The following SLIT1 variants were observed in gnomAD, a reference collection of about 807,000 sequenced individuals.
SLIT1 encodes the protein slit guidance ligand 1, also known as slit homolog 1 protein.
In SLIT1, 66 loss-of-function variants were observed where a neutral mutation model predicts 186.1. That is an observed-to-expected ratio of 0.35 (90% CI 0.29 to 0.44). The LOEUF (loss-of-function observed/expected upper bound fraction) is 0.44. SLIT1 is among the 20% of genes least tolerant of loss of function. SLIT1 has a pLI of 1.00. For synonymous variants in SLIT1, 761 were observed against 833.8 expected (o/e 0.91, Z 1.50); for missense variants, 1,638 against 2,037.4 (o/e 0.80, Z 3.77).
intron 4 of SLIT1, among the ~76,000 whole-genome samples, chr10:97,156,205 T>C (rs970911376): frequency 2.0e-4 from 30 of 152,232 alleles, no homozygotes; most frequent in Non-Finnish European, 8.8e-5. Flanking sequence ...TGGAGTGGTC[T>C]CCAGGCCAGG....
rs757166610 is a variant in SLIT1 at position 97,185,458 on chromosome 10, G to C, written c.197+20C>G. On this transcript the variant is annotated intron_variant, in intron 1 of 36. Transcript: ENST00000266058. ...GGGCAACCTCGGAGCCAGGGAGCCA[G>C]GGGCGGGGACCATACTCACAGGCGC... is the stretch of plus-strand genomic sequence containing the variant. 6.2e-7 allele frequency: 1 copy of C among 1,607,070 alleles called. No individual in the cohort carries two copies. Among genetic ancestry groups the C allele is most frequent in the Non-Finnish European group, 8.5e-7 (1 of 1,177,318 alleles).
intron 1 of SLIT1, among the ~76,000 whole-genome samples, chr10:97,176,584 C>T (rs11594085): frequency 0.11 from 17,327 of 152,198 alleles, 1,137 homozygotes; most frequent in African/African-American, 0.17. Context: ...TCCTGCCTTC[C>T]GCTTCTCCCA....
At chr10:97,062,439 T>A (rs1481262789) in intron 8 of SLIT1, among the ~76,000 whole-genome samples, 1 of 152,168 alleles carries the variant, frequency 6.6e-6, no homozygotes, top group East Asian at 1.9e-4. Flanking sequence ...AGCCTCTAAA[T>A]CCTCTGTCAC....
At chr10:97,024,948 C>T (rs913742165) in intron 25 of SLIT1, among the ~76,000 whole-genome samples, 1 of 152,156 alleles carries the variant, frequency 6.6e-6, no homozygotes, top group Non-Finnish European at 1.5e-5. Flanking sequence ...GATGTAAGTG[C>T]TCCTTCCCCT....
chr10:97,127,574 C>T (rs1311819194), intron 4 of SLIT1, among the ~76,000 whole-genome samples: 1 of 152,232 alleles, frequency 6.6e-6, no homozygotes, highest in Non-Finnish European at 1.5e-5. Context: ...TCAGGAACCA[C>T]GTCCTCTGGG....
At position 97,006,417 on chromosome 10, in the gene SLIT1, C is replaced by T; in HGVS notation, c.3579+66G>A. 8.9e-7 allele frequency: 1 copy of T among 1,120,678 alleles called. No individual in the cohort carries two copies. The highest frequency in any genetic ancestry group is 1.3e-6 in the Non-Finnish European group (1 of 743,352). 69.4% of individuals were successfully genotyped at this position (1,120,678 alleles called of 1,614,324 possible). ...CACCATGCAGGGATGTATCCTGATG[C>T]TCTGGCCTAAGCCAGGGTCGCCTGC... On this transcript the variant is annotated intron_variant, in intron 32 of 36. Coordinates refer to ENST00000266058, the MANE Select transcript of SLIT1 (RefSeq NM_003061.3). The surrounding 1 kb of genome is among the most constrained non-coding windows in gnomAD (Gnocchi z 4.0).
intron 4 of SLIT1, among the ~76,000 whole-genome samples, chr10:97,111,519 T>C (rs2636781): frequency 0.65 from 99,418 of 152,096 alleles, 33,212 homozygotes; most frequent in South Asian, 0.83. Flanking sequence ...AAACCAAACA[T>C]ACCCTGTCTG....
At chr10:97,084,924 CT>C (rs34001660) in intron 4 of SLIT1, among the ~76,000 whole-genome samples, 259 of 126,136 alleles carry the variant, frequency 2.1e-3, no homozygotes, top group South Asian at 4.2e-3. Context: ...CTTTTCTTTC[CT>C]TTTTTTTTTT....
chr10:97,109,617 C>A (rs750404544), intron 4 of SLIT1, among the ~76,000 whole-genome samples: 6 of 152,096 alleles, frequency 3.9e-5, no homozygotes, highest in Non-Finnish European at 8.8e-5. Context: ...AGGGATGAAA[C>A]GATGGAGTTT....
intron 3 of SLIT1, among the ~76,000 whole-genome samples, chr10:97,159,351 G>A (rs1462949848): frequency 6.6e-6 from 1 of 152,130 alleles, no homozygotes; most frequent in African/African-American, 2.4e-5. Flanking sequence ...TTAAGGGCAG[G>A]CTCCTAGGGA....
chr10:97,141,854 A>G (rs895521204), intron 4 of SLIT1, among the ~76,000 whole-genome samples: 1 of 152,126 alleles, frequency 6.6e-6, no homozygotes, highest in Non-Finnish European at 1.5e-5. Context: ...ATGCAGTGGC[A>G]TGCTCATGGT....
intron 3 of SLIT1, 33 bp downstream of exon 3, chr10:97,163,347 C>A: frequency 1.3e-6 from 2 of 1,592,500 alleles, no homozygotes; most frequent in Middle Eastern, 1.7e-4. Context: ...GCCAGCCCCC[C>A]GCCCTCCTGG....
chr10:97,056,582 G>C (rs1401061131), intron 12 of SLIT1, 118 bp from the exon 13 acceptor site: 5 of 1,118,906 alleles, frequency 4.5e-6, no homozygotes, highest in Non-Finnish European at 6.5e-6. Context: ...GCCCATCGGA[G>C]CAGGCCCAGG....
intron 1 of SLIT1, among the ~76,000 whole-genome samples, chr10:97,179,796 A>ACCCCCCCCCCCCCCCCCCCC (rs1411663173): frequency 2.4e-4 from 25 of 103,068 alleles, no homozygotes; most frequent in Admixed American, 5.2e-4. Context: ...AATTCTCCAC[A>ACCCCCCCCCCCCCCCCCCCC]CCCTCCCCGC....
Position 97,184,757 on chromosome 10 carries a change from T to C in SLIT1, c.197+721A>G, listed in dbSNP as rs1850388363. Among the ~76,000 whole-genome samples the C allele has an allele frequency of 1.3e-5, 2 of 152,220 alleles. No individual in the cohort carries two copies. Among genetic ancestry groups the C allele is most frequent in the African/African-American group, 4.8e-5 (2 of 41,452 alleles). The stretch of plus-strand genomic sequence containing the variant: ...CCCCCCTCTCCAAGCTCCTGACTTC[T>C]TGGCATTATCCACCGGGTTCTCCAT... On this transcript the variant is annotated intron_variant, in intron 1 of 36. Coordinates refer to ENST00000266058, the MANE Select transcript of SLIT1 (RefSeq NM_003061.3). This position sits in a 1 kb window ranked among gnomAD's most constrained non-coding sequence, Gnocchi z 4.4.
At chr10:97,160,798 G>A (rs1365224088) in intron 3 of SLIT1, among the ~76,000 whole-genome samples, 1 of 152,132 alleles carries the variant, frequency 6.6e-6, no homozygotes, top group Non-Finnish European at 1.5e-5. Flanking sequence ...TCGGCTCACC[G>A]CAACCTCCGC....
intron 3 of SLIT1, among the ~76,000 whole-genome samples, chr10:97,161,195 C>A (rs1850021551): frequency 6.6e-6 from 1 of 152,254 alleles, no homozygotes; most frequent in South Asian, 2.1e-4. Context: ...ACCCCCCAGA[C>A]CCTTTCCCTC....
At chr10:97,162,780 C>T (rs1850046800) in intron 3 of SLIT1, among the ~76,000 whole-genome samples, 1 of 152,126 alleles carries the variant, frequency 6.6e-6, no homozygotes, top group Non-Finnish European at 1.5e-5. Context: ...GATCGGCGAC[C>T]ACCGTGAACA....
intron 8 of SLIT1, among the ~76,000 whole-genome samples, chr10:97,062,823 A>G (rs757649966): frequency 5.3e-5 from 8 of 152,250 alleles, no homozygotes; most frequent in Non-Finnish European, 1.0e-4. Context: ...GTGACCTCCC[A>G]GACTTGCGGG....
Sources: allele counts gnomAD v4.1 joint callset (sites outside exome capture counted in the v4.1 genomes callset), GRCh38; gene constraint gnomAD v4.1.1; non-coding constraint Gnocchi (gnomAD v3.1); transcripts MANE v1.5; gene names NCBI Gene and HGNC (gene_info 2026-07-23, HGNC 2026-07-21).